Variants in GC observed in about 807,000 individuals in gnomAD.
The protein encoded by GC is GC vitamin D binding protein, also known as vitamin D-binding protein.
Under a neutral mutation model 56.7 loss-of-function variants are expected in GC, and 43 were observed. The ratio of observed to expected loss-of-function variants is 0.76; its 90% CI spans 0.59 to 0.98. GC has a LOEUF of 0.98. Among genes scored for constraint, GC ranks in the 50% least tolerant of loss-of-function variants. The probability of loss-of-function intolerance (pLI) is 0.00; values close to 1 mark genes in which losing one functional copy is unlikely to be tolerated. For missense variants in GC, 529 were observed against 545.9 expected (o/e 0.97, Z 0.31); for synonymous variants, 216 against 202.7 (o/e 1.07, Z -0.56).
intron 6 of GC, among the ~76,000 whole-genome samples, chr4:71,760,395 T>C (rs1338981953): frequency 6.6e-6 from 1 of 151,984 alleles, no homozygotes; most frequent in African/African-American, 2.4e-5. Context: ...TATTATGCAT[T>C]GCTGGCAAGA....
rs374066373 is a variant in GC at position 71,756,693 on chromosome 4, T to C, written c.1034+19A>G. On this transcript the variant is annotated intron_variant, in intron 8 of 12. Coordinates refer to ENST00000273951, the MANE Select transcript of GC (RefSeq NM_000583.4). ...ATGAACTTAAAATGGGAAAACGTTT[T>C]CACATCACCTCTACTTACTTATCCA... 4 of 1,573,438 alleles carry C rather than the reference T, an allele frequency of 2.5e-6. No homozygotes were observed. Among genetic ancestry groups the C allele is most frequent in the African/African-American group, 1.3e-5 (1 of 74,088 alleles).
intron 1 of GC, among the ~76,000 whole-genome samples, chr4:71,772,556 AATTT>A (rs1216710232): frequency 5.3e-5 from 8 of 152,146 alleles, no homozygotes; most frequent in Non-Finnish European, 1.0e-4. Context: ...AAATAGTTTG[AATTT>A]ATTTAACTAT....
Position 71,752,509 on chromosome 4 carries a change from T to G in GC, c.1395+9A>C, listed in dbSNP as rs1741588427. ...CTGCCATGTTAAGTGGAGGGTTACA[T>G]TTTCCTACCTCTGAATCACAGTAAA... On this transcript the variant is annotated intron_variant, in intron 11 of 12. Transcript: ENST00000273951. 1 of 1,607,022 alleles carries G rather than the reference T, an allele frequency of 6.2e-7. No individual in the cohort carries two copies. Among genetic ancestry groups the G allele is most frequent in the African/African-American group, 1.3e-5 (1 of 74,660 alleles).
rs369671547 is a variant in GC, at chr4:71,754,432, G to A, written c.1241C>T (p.Thr414Ile). The change falls in exon 10 of 13, where the codon ACA becomes ATA. Residue 414 changes from threonine to isoleucine, a missense_variant. By Grantham distance (89) the Thr-to-Ile change is moderately conservative. Transcript: ENST00000273951. ...TTACTTTTTCTTGTACTCAGTAAAT[G>A]TATTTTCTGAATAATCTGCACATAG... is the stretch of plus-strand genomic sequence containing the variant. ...QELCADYSEN[T>I]FTEYKKKLAE... 9 of 1,546,926 alleles carry A rather than the reference G, an allele frequency of 5.8e-6. 1 individual carries two copies. The highest frequency in any genetic ancestry group is 5.1e-5 in the Admixed American group (3 of 59,128).
In GC at chr4:71,763,636, T is replaced by G. The variant is rs899124429; in HGVS notation, c.607-134A>C. On this transcript the variant is annotated intron_variant, in intron 5 of 12. Coordinates refer to ENST00000273951, the MANE Select transcript of GC (RefSeq NM_000583.4). ...CTGAACACTGGTGAAAGGAACTTATTGATATTACTTTTCCAGAGGTATTAC... is the reference window on the plus strand; with the variant it reads ...CTGAACACTGGTGAAAGGAACTTATGGATATTACTTTTCCAGAGGTATTAC... 3 of 749,910 alleles carry G rather than the reference T, an allele frequency of 4.0e-6. No homozygotes were observed. In the African/African-American group the frequency reaches 5.3e-5, roughly 13 times the overall value. 46.5% of individuals were successfully genotyped at this position (749,910 alleles called of 1,614,324 possible). A position where few individuals can be genotyped will look rare whatever the true frequency, so the allele number is the denominator to read the frequency against.
chr4:71,798,774 A>G (rs545642098), intron 1 of GC, among the ~76,000 whole-genome samples: 1 of 152,300 alleles, frequency 6.6e-6, no homozygotes, highest in South Asian at 2.1e-4. Flanking sequence ...AAAGCTCATA[A>G]TGAGGTCTTT....
intron 8 of GC, among the ~76,000 whole-genome samples, chr4:71,756,109 A>G (rs201114491): frequency 8.2e-5 from 1 of 12,238 alleles, no homozygotes; most frequent in East Asian, 0.015. Context: ...TAATGCTAAG[A>G]AAAAAATATT....
At chr4:71,775,418 T>C (rs985665341) in intron 1 of GC, among the ~76,000 whole-genome samples, 1 of 152,056 alleles carries the variant, frequency 6.6e-6, no homozygotes, top group East Asian at 1.9e-4. Context: ...GATAAGGTGA[T>C]ATAAACAGTA....
At chr4:71,804,119 T>G, upstream of GC, 1 of 637,508 alleles carries the variant, frequency 1.6e-6, no homozygotes, top group Non-Finnish European at 2.8e-6. Flanking sequence ...ATGCCAGGTC[T>G]GTCCCACAGA....
At position 71,791,798 on chromosome 4, in the gene GC, T is replaced by G. The variant is rs572849589; in HGVS notation, c.22-7744A>C. On this transcript the variant is annotated intron_variant, in intron 1 of 13. Transcript: ENST00000504199. ...TGTCATTTACATTAGGTATTTCTCCTAATGCTATCCCTTCACCAACCCCTA... is the reference window on the plus strand; with the variant it reads ...TGTCATTTACATTAGGTATTTCTCCGAATGCTATCCCTTCACCAACCCCTA... Among the ~76,000 whole-genome samples, 8 of 152,258 alleles carry G rather than the reference T, an allele frequency of 5.3e-5. No individual in the cohort carries two copies. The South Asian group carries it at 1.4e-3, about 28-fold the overall frequency.
intron 6 of GC, among the ~76,000 whole-genome samples, chr4:71,760,487 A>G: frequency 6.6e-6 from 1 of 152,166 alleles, no homozygotes; most frequent in East Asian, 1.9e-4. Flanking sequence ...GGAGGGAAAA[A>G]AAGTTGGCAA....
At chr4:71,783,173 A>G (rs562195397) in intron 1 of GC, among the ~76,000 whole-genome samples, 29 of 151,892 alleles carry the variant, frequency 1.9e-4, no homozygotes, top group Non-Finnish European at 3.4e-4. Context: ...ACAGCACTAA[A>G]TGAAAACCTT....
intron 1 of GC, among the ~76,000 whole-genome samples, chr4:71,799,345 A>C (rs540234886): frequency 6.6e-6 from 1 of 152,170 alleles, no homozygotes; most frequent in Non-Finnish European, 1.5e-5. Context: ...ATGGAGGGCT[A>C]TCTTCCCAAG....
intron 1 of GC, among the ~76,000 whole-genome samples, chr4:71,790,492 C>T (rs1227637989): frequency 6.6e-6 from 1 of 151,772 alleles, no homozygotes. Context: ...GTTCTTATTG[C>T]TATAATTGGT....
intron 1 of GC, among the ~76,000 whole-genome samples, chr4:71,792,787 GT>G (rs1490433256): frequency 6.6e-6 from 1 of 152,098 alleles, no homozygotes; most frequent in Non-Finnish European, 1.5e-5. Context: ...AGTTTTTATG[GT>G]TTTAGGTCTA....
chr4:71,757,059 G>A (rs376721718), intron 7 of GC, 145 bp from the exon 8 acceptor site: 2 of 609,440 alleles, frequency 3.3e-6, no homozygotes, highest in South Asian at 2.0e-5. Context: ...TACAATATTT[G>A]GAAAGGCAGT....
At chr4:71,801,887 CTTCT>C (rs1743261843) in intron 1 of GC, among the ~76,000 whole-genome samples, 1 of 127,794 alleles carries the variant, frequency 7.8e-6, no homozygotes, top group Non-Finnish European at 1.6e-5. Context: ...CTGTTTCTTT[CTTCT>C]TTTTTTTTTT....
chr4:71,779,492 G>T (rs1295681553), intron 1 of GC, among the ~76,000 whole-genome samples: 1 of 151,746 alleles, frequency 6.6e-6, no homozygotes, highest in East Asian at 1.9e-4. Context: ...AAGCCCTGGG[G>T]TGCAAAGGAC....
chr4:71,801,651 C>A (rs924578882), intron 1 of GC, among the ~76,000 whole-genome samples: 9 of 151,874 alleles, frequency 5.9e-5, no homozygotes, highest in African/African-American at 2.2e-4. Flanking sequence ...TGGCACATAC[C>A]TAAAAGAGAA....
Sources: allele counts gnomAD v4.1 joint callset (sites outside exome capture counted in the v4.1 genomes callset), GRCh38; gene constraint gnomAD v4.1.1; transcripts MANE v1.5; gene names NCBI Gene and HGNC (gene_info 2026-07-23, HGNC 2026-07-21).